The following RAB11FIP4 variants were observed in gnomAD, a reference collection of about 807,000 sequenced individuals.
RAB11FIP4 encodes the protein rab11 family-interacting protein 4.
Under a neutral mutation model 74.3 loss-of-function variants are expected in RAB11FIP4, and 23 were observed. The observed-to-expected ratio is 0.31, with a 90% CI of 0.22 to 0.44. The LOEUF is 0.44. RAB11FIP4 is among the 20% of genes least tolerant of loss of function. The pLI, the probability that RAB11FIP4 is intolerant of heterozygous loss-of-function variation, is 1.00. For synonymous variants in RAB11FIP4, 360 were observed against 359.9 expected, an observed-to-expected ratio of 1.00 and a Z score of 0.00; for missense variants, 630 against 863.9, an observed-to-expected ratio of 0.73 and a Z score of 3.39.
intron 3 of RAB11FIP4, among the ~76,000 whole-genome samples, chr17:31,492,974 T>A (rs1235877298): frequency 6.6e-6 from 1 of 151,968 alleles, no homozygotes; most frequent in Non-Finnish European, 1.5e-5. Flanking sequence ...GAGGAGAACA[T>A]AGGCAACCAG....
At chr17:31,428,426 C>T (rs1276112056) in intron 1 of RAB11FIP4, among the ~76,000 whole-genome samples, 2 of 152,172 alleles carry the variant, frequency 1.3e-5, no homozygotes, top group Non-Finnish European at 2.9e-5. Context: ...TTCCTGCATG[C>T]TGTGCTCTGC....
chr17:31,468,745 G>C (rs939337883), intron 3 of RAB11FIP4, among the ~76,000 whole-genome samples: 1 of 151,910 alleles, frequency 6.6e-6, no homozygotes, highest in Non-Finnish European at 1.5e-5. Flanking sequence ...CAGGAGAATC[G>C]CTTGAACCCA....
intron 3 of RAB11FIP4, among the ~76,000 whole-genome samples, chr17:31,486,095 G>A (rs1386120521): frequency 2.6e-5 from 4 of 152,030 alleles, no homozygotes; most frequent in Non-Finnish European, 5.9e-5. Flanking sequence ...TTAGCTGGGC[G>A]TGGTGGCACA....
chr17:31,398,320 G>T (rs2070950398), intron 1 of RAB11FIP4, among the ~76,000 whole-genome samples: 1 of 152,144 alleles, frequency 6.6e-6, no homozygotes, highest in African/African-American at 2.4e-5. Context: ...GATTACAGGC[G>T]TGAGCCACCA....
intron 3 of RAB11FIP4, among the ~76,000 whole-genome samples, chr17:31,442,680 CT>C (rs2071416974): frequency 6.6e-6 from 1 of 152,178 alleles, no homozygotes; most frequent in South Asian, 2.1e-4. Context: ...GATGCAAAGG[CT>C]GGGCGCGGTG....
chr17:31,521,423 C>A lies in RAB11FIP4; in HGVS notation c.758+63C>A, dbSNP rs183383910. The A allele has an allele frequency of 7.1e-4, 1,031 of 1,460,824 alleles. 5 individuals are homozygous for A. In the African/African-American group the frequency reaches 0.014, roughly 20 times the overall value. 90.5% of individuals were successfully genotyped at this position (1,460,824 alleles called of 1,614,324 possible). On this transcript the variant is annotated intron_variant, in intron 5 of 14. Transcript: ENST00000621161. ...GTTGCAGAAGCAATTTAAGCACATC[C>A]TAGGGGGTGGGGGGGTGCGAGTCCT... is the stretch of plus-strand genomic sequence containing the variant.
At chr17:31,402,841 G>A (rs997232802) in intron 1 of RAB11FIP4, among the ~76,000 whole-genome samples, 12 of 151,738 alleles carry the variant, frequency 7.9e-5, no homozygotes, top group South Asian at 2.1e-4. Context: ...TAGCCAGGAT[G>A]GTCTCGATCT....
At chr17:31,509,792 C>G (rs1055291855) in intron 3 of RAB11FIP4, among the ~76,000 whole-genome samples, 1 of 152,152 alleles carries the variant, frequency 6.6e-6, no homozygotes, top group Admixed American at 6.5e-5. Flanking sequence ...ATGCTTACCC[C>G]TGGCTCTGTT....
chr17:31,416,051 C>T (rs747756022), intron 1 of RAB11FIP4, among the ~76,000 whole-genome samples: 2 of 152,202 alleles, frequency 1.3e-5, no homozygotes, highest in African/African-American at 4.8e-5. Flanking sequence ...AGGGCTTGCC[C>T]GAGGTCACGC....
At position 31,517,796 on chromosome 17, in the gene RAB11FIP4, G is replaced by A. The variant is rs561357646; in HGVS notation, c.482G>A (p.Ser161Asn). 3 of 1,555,990 alleles carry A rather than the reference G, an allele frequency of 1.9e-6. No individual in the cohort carries two copies. The African/African-American group carries it at 4.1e-5, about 21-fold the overall frequency. ...TTGTACACAGACAGCCCCATGGAGA[G>A]CACTCAGAGCCTGGAGGGGTCTGTC... ...QELYTDSPME[S>N]TQSLEGSVGS... The change falls in exon 4 of 15, where the codon AGC becomes AAC. Residue 161 changes from serine (S) to asparagine (N), a missense_variant. Transcript: ENST00000621161.
chr17:31,394,941 G>T lies in RAB11FIP4; in HGVS notation c.159+2930G>T, dbSNP rs866497376. ...CCAGCGGTGGGGTGGCGGGGGGCGG[G>T]GGGGGGGGGCTCCCTTACGAAATGC... On this transcript the variant is annotated intron_variant, in intron 1 of 14. Coordinates refer to ENST00000621161, the MANE Select transcript of RAB11FIP4 (RefSeq NM_032932.6). Among the ~76,000 whole-genome samples the T allele has an allele frequency of 3.7e-3, 437 of 116,836 alleles. 7 individuals carry two copies. Among genetic ancestry groups the T allele is most frequent in the African/African-American group, 0.012 (423 of 34,328 alleles). The allele number at this position is 116,836 out of a possible 152,430, so 76.6% of individuals were successfully genotyped here.
intron 3 of RAB11FIP4, among the ~76,000 whole-genome samples, chr17:31,513,500 G>A (rs953155910): frequency 6.6e-6 from 1 of 152,250 alleles, no homozygotes; most frequent in African/African-American, 2.4e-5. Flanking sequence ...CCAGAGGGCC[G>A]GGGAAACAAG....
chr17:31,416,217 C>T (rs534633882), intron 1 of RAB11FIP4, among the ~76,000 whole-genome samples: 15 of 152,266 alleles, frequency 9.9e-5, no homozygotes, highest in Non-Finnish European at 2.2e-4. Context: ...GGTCCTGGGC[C>T]CGGGGCTCCT....
intron 1 of RAB11FIP4, among the ~76,000 whole-genome samples, chr17:31,400,385 C>T (rs565013636): frequency 2.6e-4 from 39 of 152,344 alleles, no homozygotes; most frequent in African/African-American, 8.9e-4. Flanking sequence ...CACAGTGAGC[C>T]CGAAGACAAG....
chr17:31,405,563 G>A (rs898152584), intron 1 of RAB11FIP4, among the ~76,000 whole-genome samples: 6 of 152,196 alleles, frequency 3.9e-5, no homozygotes, highest in Admixed American at 2.0e-4. Context: ...AGTAGAGACG[G>A]GGTTTCACTG....
At chr17:31,505,428 T>TATA (rs2072300418) in intron 3 of RAB11FIP4, among the ~76,000 whole-genome samples, 2 of 70,322 alleles carry the variant, frequency 2.8e-5, no homozygotes, top group Non-Finnish European at 5.0e-5. Flanking sequence ...TATATTAATA[T>TATA]ATAATTATTA....
chr17:31,406,015 C>T (rs1430430157), intron 1 of RAB11FIP4, among the ~76,000 whole-genome samples: 1 of 152,134 alleles, frequency 6.6e-6, no homozygotes. Flanking sequence ...TCTGCTCTGC[C>T]CAGCCCAGCT....
chr17:31,426,924 G>A (rs909145437), intron 1 of RAB11FIP4, among the ~76,000 whole-genome samples: 4 of 151,596 alleles, frequency 2.6e-5, no homozygotes, highest in African/African-American at 7.3e-5. Flanking sequence ...TTTTCTAAAG[G>A]GCAGGACATC....
intron 3 of RAB11FIP4, among the ~76,000 whole-genome samples, chr17:31,453,810 A>AAAAG (rs1323193720): frequency 1.1e-4 from 17 of 150,522 alleles, no homozygotes; most frequent in South Asian, 6.3e-4. Flanking sequence ...AAAAAAAAAA[A>AAAAG]AAAGAAAGAA....
Sources: allele counts gnomAD v4.1 joint callset (sites outside exome capture counted in the v4.1 genomes callset), GRCh38; gene constraint gnomAD v4.1.1; transcripts MANE v1.5; gene names NCBI Gene and HGNC (gene_info 2026-07-23, HGNC 2026-07-21).